ACIN1: variants seen among roughly 807,000 people sequenced by gnomAD.
ACIN1 encodes apoptotic chromatin condensation inducer in the nucleus.
A neutral mutation model predicts 146.6 loss-of-function variants in ACIN1; 16 were observed. The ratio of observed to expected loss-of-function variants is 0.11; its 90% CI spans 0.07 to 0.17. ACIN1 has a LOEUF of 0.17. Ranked by LOEUF, ACIN1 falls within the 10% of genes least tolerant of loss-of-function variation. The pLI is 1.00. For synonymous variants in ACIN1, 569 were observed against 582.7 expected, an observed-to-expected ratio of 0.98 and a Z score of 0.34; for missense variants, 1,357 against 1,609.3, an observed-to-expected ratio of 0.84 and a Z score of 2.68.
At position 23,079,056 on chromosome 14, in the gene ACIN1, A is replaced by G. The variant is rs774205743; in HGVS notation, c.1789-18T>C. The stretch of plus-strand genomic sequence containing the variant: ...CTCAGAGACTAAAACAAAATGAAAC[A>G]CATAACAAGGAAAATTATTGTATAT... On this transcript the variant is annotated intron_variant, in intron 6 of 18. Transcript: ENST00000605057. 5.6e-6 allele frequency: 9 copies of G among 1,606,620 alleles called. No homozygotes were observed. In the South Asian group the frequency reaches 8.9e-5, roughly 16 times the overall value.
At position 23,061,136 on chromosome 14, in the gene ACIN1, C is replaced by T. The variant is rs201669495; in HGVS notation, c.3473G>A (p.Arg1158Gln). Residue 1158 changes from arginine to glutamine, a missense_variant, in exon 18 of 19, where the codon CGA (arginine) becomes CAA (glutamine). Arg to Gln is a conservative substitution (Grantham distance 43). Transcript: ENST00000605057. Reference sequence around the variant, plus strand: ...GATGCAGGGAGCTGCCTTGGTCTTTCGGAAAAGGTCATCCAGCAGCTTGGC... The same window carrying T: ...GATGCAGGGAGCTGCCTTGGTCTTTTGGAAAAGGTCATCCAGCAGCTTGGC... Reference protein sequence around the residue: ...PPAKLLDDLFRKTKAAPCIYW... With the variant: ...PPAKLLDDLFQKTKAAPCIYW... 23 of 1,614,126 alleles carry T rather than the reference C, an allele frequency of 1.4e-5. No homozygotes were observed. The highest frequency in any genetic ancestry group is 3.3e-4 in the Middle Eastern group (2 of 6,054).
chr14:23,059,956 G>GTTTTTTTTTT (rs397830741), intron 18 of ACIN1, among the ~76,000 whole-genome samples: 4 of 100,150 alleles, frequency 4.0e-5, no homozygotes, highest in African/African-American at 1.7e-4. Flanking sequence ...CGCCCCGCCA[G>GTTTTTTTTTT]TTTTTTTTTT....
At chr14:23,084,545 G>A (rs1473968657) in intron 4 of ACIN1, among the ~76,000 whole-genome samples, 2 of 151,864 alleles carry the variant, frequency 1.3e-5, no homozygotes. Flanking sequence ...GGGAGGCAGA[G>A]GTTGTAGTGA....
At position 23,068,465 on chromosome 14, in the gene ACIN1, C is replaced by A; in HGVS notation, c.2265+1011G>T. Reference sequence around the variant, plus strand: ...CCAGAACAGTGTTCTTCTTGGCCCCCTGATGTAAGCAAGACAGGGAGGCAA... The same window carrying A: ...CCAGAACAGTGTTCTTCTTGGCCCCATGATGTAAGCAAGACAGGGAGGCAA... On this transcript the variant is annotated intron_variant, in intron 9 of 18. Coordinates refer to ENST00000605057, the MANE Select transcript of ACIN1 (RefSeq NM_001386863.1). This position sits in a 1 kb window ranked among gnomAD's most constrained non-coding sequence, Gnocchi z 4.3. 1 of 985,892 alleles carries A rather than the reference C, an allele frequency of 1.0e-6. No individual in the cohort carries two copies. The highest frequency in any genetic ancestry group is 1.1e-4 in the East Asian group (1 of 8,816). The allele number at this position is 985,892 out of a possible 1,614,324, so 61.1% of individuals were successfully genotyped here. A position where few individuals can be genotyped will look rare whatever the true frequency, so the allele number is the denominator to read the frequency against.
Position 23,064,338 on chromosome 14 carries a change from G to A in ACIN1, c.2442+17C>T. 2 of 1,614,072 alleles carry A rather than the reference G, an allele frequency of 1.2e-6. No individual in the cohort carries two copies. Among genetic ancestry groups the A allele is most frequent in the Non-Finnish European group, 1.7e-6 (2 of 1,179,962 alleles). On this transcript the variant is annotated intron_variant, in intron 11 of 18. Transcript: ENST00000605057. ...TAACAGGTCTCATCCTCCCTTCCCT[G>A]GCTCCTCCCACCTCACCTTTAGTGA...
chr14:23,091,556 C>T (rs1212321111), intron 2 of ACIN1, among the ~76,000 whole-genome samples: 1 of 139,798 alleles, frequency 7.2e-6, no homozygotes, highest in East Asian at 2.0e-4. Context: ...AAGAGCAAGA[C>T]TCCATCTCAA....
chr14:23,081,869 T>C (rs534329591), intron 4 of ACIN1, 33 bp from the exon 5 acceptor site: 1 of 1,557,094 alleles, frequency 6.4e-7, no homozygotes, highest in Non-Finnish European at 8.8e-7. Flanking sequence ...GTCAGATTCA[T>C]GAAGTGAAGA....
At chr14:23,086,419 G>C (rs1032142053) in intron 4 of ACIN1, among the ~76,000 whole-genome samples, 1 of 152,220 alleles carries the variant, frequency 6.6e-6, no homozygotes, top group Non-Finnish European at 1.5e-5. Context: ...AGGAAATTCA[G>C]ACAATTTATG....
At chr14:23,078,678 G>T in intron 7 of ACIN1, 142 bp downstream of exon 7, 2 of 911,488 alleles carry the variant, frequency 2.2e-6, no homozygotes, top group Non-Finnish European at 3.2e-6. Flanking sequence ...AGCTGGAAAT[G>T]AGTTAAGCAG....
At chr14:23,083,885 T>C (rs983831224) in intron 4 of ACIN1, among the ~76,000 whole-genome samples, 1 of 152,170 alleles carries the variant, frequency 6.6e-6, no homozygotes, top group Non-Finnish European at 1.5e-5. Flanking sequence ...CACAAAACCA[T>C]GTTGTATAGT....
rs2140147734 is a variant in ACIN1, at chr14:23,079,529, G to C, written c.1788+18C>G. 3.1e-6 allele frequency: 5 copies of C among 1,610,054 alleles called. No individual in the cohort carries two copies. Among genetic ancestry groups the C allele is most frequent in the Non-Finnish European group, 4.2e-6 (5 of 1,176,820 alleles). On this transcript the variant is annotated intron_variant, in intron 6 of 18. Transcript: ENST00000605057. ...ATATGACAGAACATTAATACACCCG[G>C]GATTCTCTCATACTCACTTTTCTGC...
upstream of ACIN1, chr14:23,095,384 A>C (rs1420547852): frequency 6.3e-6 from 9 of 1,433,526 alleles, no homozygotes; most frequent in East Asian, 2.3e-5. Flanking sequence ...TTTGAATCGA[A>C]TATATTCGGA....
At chr14:23,063,268 G>T (rs55993812) in intron 13 of ACIN1, 168 bp downstream of exon 13, 98,631 of 1,120,720 alleles carry the variant, frequency 0.088, 4,961 homozygotes, top group South Asian at 0.15. Flanking sequence ...AGATTAAACA[G>T]AGTCAAATCT....
chr14:23,079,990 T>C lies in ACIN1; in HGVS notation c.1345A>G (p.Ser449Gly), dbSNP rs771139515. The C allele has an allele frequency of 2.5e-6, 4 of 1,613,990 alleles. No individual in the cohort carries two copies. In the African/African-American group the frequency reaches 5.3e-5, roughly 22 times the overall value. Residue 449 changes from serine to glycine, a missense_variant, in exon 6 of 19, where the codon AGC (serine) becomes GGC (glycine). Transcript: ENST00000605057. ...EESVLPLVQKSTLADYSAQKD... is the reference protein window; with the variant it reads ...EESVLPLVQKGTLADYSAQKD... ...TGGGCTGAGTAGTCAGCCAGTGTGCTTTTCTGAACCAGAGGCAGGACACTC... is the reference window on the plus strand; with the variant it reads ...TGGGCTGAGTAGTCAGCCAGTGTGCCTTTCTGAACCAGAGGCAGGACACTC...
intron 8 of ACIN1, chr14:23,071,328 ACCGGGG>A: frequency 6.6e-7 from 1 of 1,512,884 alleles, no homozygotes; most frequent in South Asian, 1.3e-5. Flanking sequence ...AGATGTAGCA[ACCGGGG>A]ATCCAAAAAA....
At chr14:23,085,959 T>C (rs2048080965) in intron 4 of ACIN1, among the ~76,000 whole-genome samples, 1 of 152,192 alleles carries the variant, frequency 6.6e-6, no homozygotes, top group Non-Finnish European at 1.5e-5. Flanking sequence ...TGCTAGACAA[T>C]GCAGGATATA....
rs763534511 is a variant in ACIN1, at chr14:23,064,134, C to A, written c.2566G>T (p.Gly856Trp). Residue 856 changes from glycine (G) to tryptophan (W), a missense_variant, in exon 12 of 19, where the codon GGG becomes TGG. Transcript: ENST00000605057. ...GTGACTGTCCGGCATATTTTCAGCCCCTTGTCATGGGTCCCATCATCGCCA... is the reference window on the plus strand; with the variant it reads ...GTGACTGTCCGGCATATTTTCAGCCACTTGTCATGGGTCCCATCATCGCCA... ...RNGDDGTHDK[G>W]LKICRTVTQV... 1 of 1,614,070 alleles carries A rather than the reference C, an allele frequency of 6.2e-7. No individual in the cohort carries two copies.
At position 23,061,485 on chromosome 14, in the gene ACIN1, C is replaced by T; in HGVS notation, c.3237G>A (p.Glu1079=). Residue 1079 remains glutamate, a synonymous_variant, in exon 17 of 19, where the codon GAG becomes GAA. Transcript: ENST00000605057. The part of the protein sequence containing the change: ...PPQHPRAEQR[E]QERAVREQWA... ...ACTGTTCCCGCACTGCCCGTTCCTG[C>T]TCCCGCTGCTCTGCCCGGGGGTGCT... The T allele has an allele frequency of 1.2e-6, 2 of 1,612,236 alleles. No individual in the cohort carries two copies. Among genetic ancestry groups the T allele is most frequent in the South Asian group, 2.2e-5 (2 of 90,960 alleles).
At chr14:23,092,016 T>G (rs1397110224) in intron 2 of ACIN1, among the ~76,000 whole-genome samples, 2 of 152,184 alleles carry the variant, frequency 1.3e-5, no homozygotes, top group African/African-American at 4.8e-5. Flanking sequence ...GGGATATCCA[T>G]TCAGCATTTA....
Sources: allele counts gnomAD v4.1 joint callset (sites outside exome capture counted in the v4.1 genomes callset), GRCh38; gene constraint gnomAD v4.1.1; non-coding constraint Gnocchi (gnomAD v3.1); transcripts MANE v1.5; gene names NCBI Gene and HGNC (gene_info 2026-07-23, HGNC 2026-07-21).